SLC71A2: variants seen among roughly 807,000 people sequenced by gnomAD.
SLC71A2 encodes solute carrier family 71 member 2.
At chr9:94,439,997 A>G in the SLC71A2 span, among the ~76,000 whole-genome samples, 19 of 152,166 alleles carry the variant, frequency 1.2e-4, no homozygotes, top group Admixed American at 1.2e-3. Context: ...CTTCATATAT[A>G]TAAAGGGAGT....
chr9:94,438,306 C>G, the SLC71A2 span: 8 of 1,409,728 alleles, frequency 5.7e-6, no homozygotes, highest in Non-Finnish European at 6.9e-6. Flanking sequence ...GGGGGCAGTA[C>G]AATGAATTAG....
chr9:94,401,240 G>C, the SLC71A2 span, among the ~76,000 whole-genome samples: 1 of 152,054 alleles, frequency 6.6e-6, no homozygotes, highest in South Asian at 2.1e-4. Context: ...GCGCGATCTT[G>C]GCTCACTGCA....
At chr9:94,394,939 T>C in the SLC71A2 span, among the ~76,000 whole-genome samples, 5 of 68,026 alleles carry the variant, frequency 7.4e-5, no homozygotes, top group East Asian at 3.0e-4. Context: ...TTTGAGACGG[T>C]GTCTTGCTCT....
the SLC71A2 span, among the ~76,000 whole-genome samples, chr9:94,431,173 C>T: frequency 6.6e-6 from 1 of 152,134 alleles, no homozygotes; most frequent in East Asian, 1.9e-4. Flanking sequence ...ATTAGCTGGT[C>T]GTGGTGGCGG....
chr9:94,382,111 T>A, the SLC71A2 span, among the ~76,000 whole-genome samples: 1 of 152,130 alleles, frequency 6.6e-6, no homozygotes, highest in South Asian at 2.1e-4. Context: ...ATTGCAGCCT[T>A]GACCTCCTGG....
At chr9:94,456,356 A>AC in the SLC71A2 span, 1 of 1,600,396 alleles carries the variant, frequency 6.2e-7, no homozygotes, top group Admixed American at 1.7e-5. Context: ...ACTGCCCCCC[A>AC]CTTGTTTTTC....
At chr9:94,448,929 G>A in the SLC71A2 span, among the ~76,000 whole-genome samples, 3 of 152,180 alleles carry the variant, frequency 2.0e-5, no homozygotes, top group African/African-American at 4.8e-5. Flanking sequence ...CACTACACCC[G>A]ATCTTTCCCA....
chr9:94,422,040 G>A, the SLC71A2 span, among the ~76,000 whole-genome samples: 4 of 152,058 alleles, frequency 2.6e-5, no homozygotes, highest in South Asian at 4.1e-4. Flanking sequence ...AGCCTCCCGA[G>A]TCCCGGCTAG....
chr9:94,383,161 C>CTTTTTT, the SLC71A2 span, among the ~76,000 whole-genome samples: 80 of 105,786 alleles, frequency 7.6e-4, 2 homozygotes, highest in Non-Finnish European at 1.1e-3. Context: ...GCTTTTACAT[C>CTTTTTT]TTTTTTTTTT....
At chr9:94,382,405 TGTTG>T in the SLC71A2 span, among the ~76,000 whole-genome samples, 4 of 151,662 alleles carry the variant, frequency 2.6e-5, no homozygotes, top group Non-Finnish European at 5.9e-5. Context: ...TTGTTGTTGT[TGTTG>T]GTTGGTTGTT....
chr9:94,375,148 C>T, the SLC71A2 span, among the ~76,000 whole-genome samples: 3 of 151,956 alleles, frequency 2.0e-5, no homozygotes, highest in Non-Finnish European at 4.4e-5. Flanking sequence ...TCAAAAGGCG[C>T]TAGACATGGG....
chr9:94,432,193 C>T, the SLC71A2 span, among the ~76,000 whole-genome samples: 1 of 151,788 alleles, frequency 6.6e-6, no homozygotes, highest in African/African-American at 2.4e-5. Context: ...CAGAAAGACA[C>T]ATTGCATTAA....
chr9:94,439,880 A>G, the SLC71A2 span, among the ~76,000 whole-genome samples: 1 of 152,020 alleles, frequency 6.6e-6, no homozygotes, highest in Non-Finnish European at 1.5e-5. Context: ...GTCATCTGTA[A>G]ATAATTTTTT....
the SLC71A2 span, among the ~76,000 whole-genome samples, chr9:94,452,737 A>G: frequency 2.5e-4 from 25 of 100,972 alleles, no homozygotes; most frequent in African/African-American, 6.8e-4. Flanking sequence ...TAGATATTAT[A>G]TATAAATATC....
the SLC71A2 span, among the ~76,000 whole-genome samples, chr9:94,407,090 ATTC>A: frequency 6.7e-6 from 1 of 150,244 alleles, no homozygotes; most frequent in South Asian, 2.1e-4. Flanking sequence ...AGATAATTTT[ATTC>A]TTTTCTTAGC....
At chr9:94,418,757 C>CTTTT in the SLC71A2 span, among the ~76,000 whole-genome samples, 1 of 131,200 alleles carries the variant, frequency 7.6e-6, no homozygotes, top group East Asian at 2.1e-4. Flanking sequence ...TCCTTTAATT[C>CTTTT]TTTTTTTTTT....
the SLC71A2 span, among the ~76,000 whole-genome samples, chr9:94,453,042 C>T: frequency 0.19 from 29,147 of 151,672 alleles, 2,987 homozygotes; most frequent in Middle Eastern, 0.28. Context: ...AAACAAAGGC[C>T]GTTTATATTT....
chr9:94,386,444 A>G, the SLC71A2 span, among the ~76,000 whole-genome samples: 3 of 151,270 alleles, frequency 2.0e-5, no homozygotes, highest in African/African-American at 7.3e-5. Flanking sequence ...GGAAACATGC[A>G]TAGGCTCAGA....
At chr9:94,426,835 T>TAG in the SLC71A2 span, among the ~76,000 whole-genome samples, 1 of 152,210 alleles carries the variant, frequency 6.6e-6, no homozygotes, top group Non-Finnish European at 1.5e-5. Flanking sequence ...TTTATTTATT[T>TAG]ATTTAGATAG....
Sources: gnomAD v4.1 joint callset for allele counts (sites outside exome capture counted in the v4.1 genomes callset) on GRCh38, gnomAD v4.1.1 for gene constraint, MANE v1.5 for transcripts, NCBI Gene and HGNC (gene_info 2026-07-23, HGNC 2026-07-21) for gene names.